The following SSH1 variants were observed in gnomAD, a reference collection of about 807,000 sequenced individuals.
SSH1 encodes slingshot protein phosphatase 1, also known as protein phosphatase Slingshot homolog 1.
Under a neutral mutation model 79.7 loss-of-function variants are expected in SSH1, and 43 were observed. The observed-to-expected ratio is 0.54, with a 90% CI of 0.42 to 0.70. SSH1 has a LOEUF of 0.70. Ranked by LOEUF, SSH1 falls within the 30% of genes least tolerant of loss-of-function variation. The pLI, the probability that SSH1 is intolerant of heterozygous loss-of-function variation, is 0.00. For missense variants in SSH1, 1,206 were observed against 1,358.8 expected (o/e 0.89, Z 1.77); for synonymous variants, 599 against 538.3 (o/e 1.11, Z -1.56).
chr12:108,781,661 C>T lies in SSH1; in HGVS notation c.*6327G>A, dbSNP rs1222742235. Reference sequence around the variant, plus strand: ...GCTCACCAAATACATGTGCCCCATACATTTCCCAGTCTCCCTGGCTGTTGC... The same window carrying T: ...GCTCACCAAATACATGTGCCCCATATATTTCCCAGTCTCCCTGGCTGTTGC... On this transcript the variant is annotated 3_prime_UTR_variant, in exon 15 of 15. Coordinates refer to ENST00000326495, the MANE Select transcript of SSH1 (RefSeq NM_018984.4). 1.3e-5 allele frequency: 2 copies of T among 152,218 alleles called. No individual in the cohort carries two copies. The highest frequency in any genetic ancestry group is 2.9e-5 in the Non-Finnish European group (2 of 68,052). The allele number at this position is 152,218 out of a possible 1,614,324, so 9.4% of individuals were successfully genotyped here.
At chr12:108,811,763 C>CG (rs1204481025) in intron 5 of SSH1, 1 of 259,048 alleles carries the variant, frequency 3.9e-6, no homozygotes, top group Non-Finnish European at 7.7e-6. Context: ...AGTGTGGCTG[C>CG]GGTTTTACAA....
At chr12:108,802,265 G>C in intron 11 of SSH1, 57 bp downstream of exon 11, 1 of 1,507,624 alleles carries the variant, frequency 6.6e-7, no homozygotes, top group South Asian at 1.1e-5. Context: ...CCATGGCAGA[G>C]TGGAGGGTTT....
intron 12 of SSH1, among the ~76,000 whole-genome samples, chr12:108,799,888 C>T (rs1407648993): frequency 6.6e-6 from 1 of 152,208 alleles, no homozygotes; most frequent in African/African-American, 2.4e-5. Context: ...GAAGGAGCGC[C>T]AAGCCAGTAA....
chr12:108,828,069 G>A (rs1340504362), intron 2 of SSH1, among the ~76,000 whole-genome samples: 1 of 152,152 alleles, frequency 6.6e-6, no homozygotes, highest in East Asian at 1.9e-4. Context: ...CTTTCAGTGA[G>A]AGAAATAAGT....
rs893380695 is a variant in SSH1, at chr12:108,778,481, A to T, written c.*9507T>A. ...GTGTGTCCCTGACCCACGTTACCTA[A>T]CCTCTCTGAGCATCCACTGCTTCCT... is the stretch of plus-strand genomic sequence containing the variant. On this transcript the variant is annotated 3_prime_UTR_variant, in exon 15 of 15. Coordinates refer to ENST00000326495, the MANE Select transcript of SSH1 (RefSeq NM_018984.4). 5.3e-5 allele frequency: 8 copies of T among 151,976 alleles called. No homozygotes were observed. Among genetic ancestry groups the T allele is most frequent in the African/African-American group, 1.9e-4 (8 of 41,332 alleles). 9.4% of individuals were successfully genotyped at this position (151,976 alleles called of 1,614,324 possible). A position where few individuals can be genotyped will look rare whatever the true frequency, so the allele number is the denominator to read the frequency against.
rs1320271192 is a variant in SSH1 at position 108,789,219 on chromosome 12, T to C, written c.1919A>G (p.Asn640Ser). 1.2e-6 allele frequency: 2 copies of C among 1,601,900 alleles called. No homozygotes were observed. Among genetic ancestry groups the C allele is most frequent in the Non-Finnish European group, 1.7e-6 (2 of 1,173,964 alleles). Residue 640 changes from asparagine to serine, a missense_variant, in exon 15 of 15, where the codon AAC (asparagine) becomes AGC (serine). This residue lies in a region of SSH1 where 709 missense variants were observed against 730.6 expected (regional missense o/e 0.97). Transcript: ENST00000326495. ...MEDDAIFGIL[N>S]KVKPSYKSCA... ...GGATTTATAGGAAGGCTTCACTTTG[T>C]TAAGGATCCCAAATATAGCATCATC...
At chr12:108,826,809 G>A (rs1241518533) in intron 2 of SSH1, among the ~76,000 whole-genome samples, 1 of 152,116 alleles carries the variant, frequency 6.6e-6, no homozygotes, top group Non-Finnish European at 1.5e-5. Context: ...GTGATGGCAC[G>A]CTCACTTTAC....
At chr12:108,854,476 A>G (rs2039104624) in intron 1 of SSH1, among the ~76,000 whole-genome samples, 1 of 152,350 alleles carries the variant, frequency 6.6e-6, no homozygotes, top group Admixed American at 6.5e-5. Flanking sequence ...GACATAAGTG[A>G]CATAATCAAA....
intron 2 of SSH1, among the ~76,000 whole-genome samples, chr12:108,838,310 C>G (rs2038690226): frequency 6.6e-6 from 1 of 152,196 alleles, no homozygotes; most frequent in African/African-American, 2.4e-5. Flanking sequence ...TTTTCCAGAA[C>G]AGAAGTGGCC....
At position 108,787,826 on chromosome 12, in the gene SSH1, A is replaced by C; in HGVS notation, c.*162T>G. On this transcript the variant is annotated 3_prime_UTR_variant, in exon 15 of 15. Transcript: ENST00000326495. ...CCCCTTCTTGTGCTGCATGTTGGTT[A>C]GTTTCTTCTCCTCCTCTCTATGGCA... 1 of 881,806 alleles carries C rather than the reference A, an allele frequency of 1.1e-6. No individual in the cohort carries two copies. The allele number at this position is 881,806 out of a possible 1,614,324, so 54.6% of individuals were successfully genotyped here. A position where few individuals can be genotyped will look rare whatever the true frequency, so the allele number is the denominator to read the frequency against.
intron 13 of SSH1, among the ~76,000 whole-genome samples, chr12:108,793,397 C>G (rs2036600990): frequency 6.9e-6 from 1 of 145,760 alleles, no homozygotes; most frequent in Non-Finnish European, 1.5e-5. Flanking sequence ...TTTTATAATC[C>G]CTTTTTTTTT....
rs879363148 is a variant in SSH1 at position 108,779,318 on chromosome 12, C to A, written c.*8670G>T. 3 of 152,150 alleles carry A rather than the reference C, an allele frequency of 2.0e-5. No homozygotes were observed. The highest frequency in any genetic ancestry group is 2.0e-4 in the Admixed American group (3 of 15,278). The allele number at this position is 152,150 out of a possible 1,614,324, so 9.4% of individuals were successfully genotyped here. ...GGGAAAGAAACACACCTTGTGTCAC[C>A]CCAATAGCCTTTGGAGCAAGAAGTG... On this transcript the variant is annotated 3_prime_UTR_variant, in exon 15 of 15. Coordinates refer to ENST00000326495, the MANE Select transcript of SSH1 (RefSeq NM_018984.4).
chr12:108,797,574 C>T (rs1359690203), intron 13 of SSH1, among the ~76,000 whole-genome samples: 1 of 152,188 alleles, frequency 6.6e-6, no homozygotes, highest in African/African-American at 2.4e-5. Flanking sequence ...TATAAAGACC[C>T]CAGACTCAGC....
chr12:108,803,623 AT>A (rs1565982312), intron 10 of SSH1, among the ~76,000 whole-genome samples: 3 of 152,182 alleles, frequency 2.0e-5, no homozygotes, highest in Admixed American at 6.5e-5. Flanking sequence ...AAAAAGTGAC[AT>A]AAAGCACTGA....
intron 2 of SSH1, 59 bp downstream of exon 2, chr12:108,852,579 G>GAGC: frequency 6.3e-7 from 1 of 1,599,634 alleles, no homozygotes; most frequent in Non-Finnish European, 8.6e-7. Context: ...AGAGGAACAA[G>GAGC]AGCATTCCTT....
Position 108,807,724 on chromosome 12 carries a change from T to C in SSH1, c.640A>G (p.Ile214Val), listed in dbSNP as rs762166246. 6.2e-6 allele frequency: 10 copies of C among 1,613,432 alleles called. No homozygotes were observed. The Admixed American group carries it at 1.5e-4, about 24-fold the overall frequency. The part of the protein sequence containing the change: ...LIWATYYESC[I>V]SSEQSCINEW... Reference sequence around the variant, plus strand: ...TTGATGCAGCTCTGCTCGGAGCTGATGCAGCTCTCATAGTAGGTAGCCCAG... The same window carrying C: ...TTGATGCAGCTCTGCTCGGAGCTGACGCAGCTCTCATAGTAGGTAGCCCAG... The change falls in exon 8 of 15, where the codon ATC (isoleucine) becomes GTC (valine). Residue 214 changes from isoleucine to valine, a missense_variant. Physicochemically the swap from Ile to Val is conservative, Grantham distance 29 (BLOSUM62 3). Transcript: ENST00000326495. The surrounding 1 kb of genome is among the most constrained non-coding windows in gnomAD (Gnocchi z 5.2).
chr12:108,856,066 A>C (rs1042019522), intron 1 of SSH1, among the ~76,000 whole-genome samples: 4 of 152,210 alleles, frequency 2.6e-5, no homozygotes, highest in African/African-American at 9.7e-5. Context: ...CCACAAAGAA[A>C]GGGGCTGAAG....
At chr12:108,842,448 A>G (rs2137263285) in intron 2 of SSH1, among the ~76,000 whole-genome samples, 1 of 152,324 alleles carries the variant, frequency 6.6e-6, no homozygotes. Flanking sequence ...CCTACTTTGC[A>G]GGCTTGTGAC....
At chr12:108,829,526 G>A (rs930671982) in intron 2 of SSH1, among the ~76,000 whole-genome samples, 3 of 152,196 alleles carry the variant, frequency 2.0e-5, no homozygotes, top group African/African-American at 7.2e-5. Context: ...GCCAGCCCAA[G>A]CTCTGATAAG....
Sources: gnomAD v4.1 joint callset for allele counts (sites outside exome capture counted in the v4.1 genomes callset) on GRCh38, gnomAD v4.1.1 for gene constraint, gnomAD v4.1.1 regional missense constraint, Gnocchi (gnomAD v3.1) non-coding constraint, MANE v1.5 for transcripts, NCBI Gene and HGNC (gene_info 2026-07-23, HGNC 2026-07-21) for gene names.